NAV3: variants seen among roughly 807,000 people sequenced by gnomAD.
NAV3 encodes the protein pore membrane and/or filament interacting like protein 1.
NAV3 carries 87 observed loss-of-function variants against 244.7 expected under a neutral mutation model. The ratio of observed to expected loss-of-function variants is 0.36; its 90% confidence interval spans 0.30 to 0.42. NAV3 has a LOEUF of 0.42. Ranked by LOEUF, NAV3 falls within the 20% of genes least tolerant of loss-of-function variation. The pLI is 1.00. For missense variants in NAV3, 2,663 were observed against 2,893.3 expected (o/e 0.92, Z 1.83); for synonymous variants, 1,126 against 1,042.2 (o/e 1.08, Z -1.55).
rs182403032 is a variant in NAV3, at chr12:78,167,707, C to A, written c.4870-1048C>A. 1.1e-3 allele frequency among the ~76,000 whole-genome samples: 166 copies of A among 151,438 alleles called. 1 individual carries two copies. Among genetic ancestry groups the A allele is most frequent in the African/African-American group, 3.9e-3 (160 of 41,400 alleles). On this transcript the variant is annotated intron_variant, in intron 23 of 39. Coordinates refer to ENST00000397909, the MANE Select transcript of NAV3 (RefSeq NM_001024383.2). ...ATTCTTTGGCTTTCTGCCAAAGATG[C>A]TGAAGGCAGTGATGAATGACAAATA...
chr12:77,788,736 A>G (rs1269998910), intron 2 of NAV3, among the ~76,000 whole-genome samples: 3 of 150,930 alleles, frequency 2.0e-5, no homozygotes, highest in African/African-American at 4.9e-5. Flanking sequence ...TACTGCGGTC[A>G]TGTTGGATAA....
chr12:78,027,285 T>A (rs1050984045), intron 9 of NAV3, among the ~76,000 whole-genome samples: 2 of 150,998 alleles, frequency 1.3e-5, no homozygotes, highest in African/African-American at 2.4e-5. Flanking sequence ...AAAAAAAAAA[T>A]TCAAATTGTT....
chr12:78,049,555 C>T (rs1339219905), intron 9 of NAV3, among the ~76,000 whole-genome samples: 2 of 152,178 alleles, frequency 1.3e-5, no homozygotes, highest in Non-Finnish European at 2.9e-5. Flanking sequence ...TCTAATCAGT[C>T]ACTGTGAGAT....
chr12:77,894,637 A>C (rs112602669), intron 1 of NAV3, among the ~76,000 whole-genome samples: 384 of 152,372 alleles, frequency 2.5e-3, no homozygotes, highest in African/African-American at 8.4e-3. Flanking sequence ...GCAAACTCAA[A>C]TAAATGTCTA....
At chr12:77,752,922 A>G (rs1419857281) in intron 2 of NAV3, among the ~76,000 whole-genome samples, 1 of 152,134 alleles carries the variant, frequency 6.6e-6, no homozygotes, top group African/African-American at 2.4e-5. Flanking sequence ...GGCTTTGGGC[A>G]TTCTGGGTTC....
intron 20 of NAV3, among the ~76,000 whole-genome samples, chr12:78,143,744 A>G (rs1956736098): frequency 6.6e-6 from 1 of 152,168 alleles, no homozygotes; most frequent in Non-Finnish European, 1.5e-5. Context: ...CAAAATTTTA[A>G]ATTCCTTTTA....
At position 77,581,480 on chromosome 12, in the gene NAV3, A is replaced by C. The variant is rs577824260; in HGVS notation, c.72+9214A>C. ...AAAAATCAATTCAAAATGTGATGTT[A>C]TATTGCTTATTTAGAATCAATTTCT... is the stretch of plus-strand genomic sequence containing the variant. On this transcript the variant is annotated intron_variant, in intron 2 of 8. Transcript: ENST00000550042. Among the ~76,000 whole-genome samples, 216 of 152,290 alleles carry C rather than the reference A, an allele frequency of 1.4e-3. 1 individual carries two copies. Among genetic ancestry groups the C allele is most frequent in the Non-Finnish European group, 2.6e-3 (177 of 68,014 alleles).
At chr12:77,913,175 A>G (rs772474650) in intron 1 of NAV3, among the ~76,000 whole-genome samples, 3 of 152,090 alleles carry the variant, frequency 2.0e-5, no homozygotes, top group Non-Finnish European at 4.4e-5. Flanking sequence ...CTTTTACTCC[A>G]TATCTCATGT....
At chr12:77,708,295 T>C (rs962989052) in intron 2 of NAV3, among the ~76,000 whole-genome samples, 8 of 152,020 alleles carry the variant, frequency 5.3e-5, no homozygotes, top group Admixed American at 3.3e-4. Flanking sequence ...GTTTTCCCAG[T>C]ACCATTTATT....
At chr12:77,927,596 A>G (rs1888344139) in intron 1 of NAV3, among the ~76,000 whole-genome samples, 2 of 152,206 alleles carry the variant, frequency 1.3e-5, no homozygotes. Flanking sequence ...CTTACTCTCA[A>G]CACTGTTATT....
intron 29 of NAV3, among the ~76,000 whole-genome samples, chr12:78,180,511 A>G (rs921424173): frequency 1.3e-5 from 2 of 152,126 alleles, no homozygotes; most frequent in Admixed American, 1.3e-4. Flanking sequence ...AAATGGCATT[A>G]TATGCTTATA....
chr12:77,910,850 T>C lies in NAV3; in HGVS notation c.244-29469T>C, dbSNP rs1904285. Among the ~76,000 whole-genome samples the C allele has an allele frequency of 8.1e-3, 1,239 of 152,138 alleles. 15 individuals are homozygous for C. Among genetic ancestry groups the C allele is most frequent in the South Asian group, 0.043 (209 of 4,824 alleles). The stretch of plus-strand genomic sequence containing the variant: ...GGTGTGCCACCAAAGTCATTTTGCT[T>C]GAAAGCTGAAGCATGAAAGAAAAGA... On this transcript the variant is annotated intron_variant, in intron 1 of 39. Transcript: ENST00000397909.
chr12:77,916,695 G>A (rs550460650), intron 1 of NAV3, among the ~76,000 whole-genome samples: 4 of 151,940 alleles, frequency 2.6e-5, no homozygotes, highest in South Asian at 2.1e-4. Flanking sequence ...CACGTTTTTC[G>A]TCAGACTTTT....
intron 4 of NAV3, among the ~76,000 whole-genome samples, chr12:77,967,923 T>C (rs1892655416): frequency 6.6e-6 from 1 of 152,152 alleles, no homozygotes. Flanking sequence ...TTGGAAGATA[T>C]ACCTACACAT....
At chr12:78,039,652 A>G (rs187782884) in intron 9 of NAV3, among the ~76,000 whole-genome samples, 5 of 152,282 alleles carry the variant, frequency 3.3e-5, no homozygotes, top group African/African-American at 1.2e-4. Flanking sequence ...AAAGATGGCA[A>G]TGCTGGCAGT....
At chr12:77,803,982 T>A (rs1871843426) in intron 2 of NAV3, among the ~76,000 whole-genome samples, 1 of 152,210 alleles carries the variant, frequency 6.6e-6, no homozygotes, top group Admixed American at 6.5e-5. Flanking sequence ...GTTGTTTTTT[T>A]CTTTCTTGTA....
intron 2 of NAV3, among the ~76,000 whole-genome samples, chr12:77,619,074 G>A (rs930123575): frequency 1.3e-5 from 2 of 151,890 alleles, no homozygotes; most frequent in Non-Finnish European, 2.9e-5. Context: ...TATAACCCAG[G>A]TTAGTACTAT....
At chr12:77,988,688 GA>G (rs1250639651) in intron 5 of NAV3, among the ~76,000 whole-genome samples, 1 of 151,960 alleles carries the variant, frequency 6.6e-6, no homozygotes, top group African/African-American at 2.4e-5. Context: ...CAGGATTTCA[GA>G]AAAAAATGCA....
chr12:77,700,908 C>T (rs1314581646), intron 2 of NAV3, among the ~76,000 whole-genome samples: 1 of 138,612 alleles, frequency 7.2e-6, no homozygotes, highest in Non-Finnish European at 1.6e-5. Context: ...TCATTATGTA[C>T]TATGAACTCT....
Sources: gnomAD v4.1 joint callset for allele counts (sites outside exome capture counted in the v4.1 genomes callset) on GRCh38, gnomAD v4.1.1 for gene constraint, MANE v1.5 for transcripts, NCBI Gene and HGNC (gene_info 2026-07-23, HGNC 2026-07-21) for gene names.